Variants in BMP5 observed in about 807,000 individuals in gnomAD.
The protein encoded by BMP5 is bone morphogenetic protein 5.
BMP5 carries 23 observed loss-of-function variants against 46.6 expected under a neutral mutation model. The observed-to-expected ratio is 0.49, with a 90% CI of 0.35 to 0.70. The LOEUF (loss-of-function observed/expected upper bound fraction) is 0.70, where lower values mean the gene tolerates loss of function less well. BMP5 is among the 30% of genes least tolerant of loss of function. The pLI is 0.00. For synonymous variants in BMP5, 204 were observed against 191.9 expected, an observed-to-expected ratio of 1.06 and a Z score of -0.52; for missense variants, 545 against 565.6, an observed-to-expected ratio of 0.96 and a Z score of 0.37.
intron 1 of BMP5, among the ~76,000 whole-genome samples, chr6:55,836,401 A>G (rs1382985898): frequency 2.6e-5 from 4 of 152,154 alleles, no homozygotes; most frequent in African/African-American, 4.8e-5. Context: ...AAGTAAAAAC[A>G]AACCAACAGA....
chr6:55,807,370 G>A (rs925710691), intron 2 of BMP5, among the ~76,000 whole-genome samples: 1 of 152,184 alleles, frequency 6.6e-6, no homozygotes, highest in Non-Finnish European at 1.5e-5. Context: ...TACATTTATT[G>A]ATTTGCATAT....
chr6:55,871,540 G>T (rs533508755), intron 1 of BMP5, among the ~76,000 whole-genome samples: 2 of 151,742 alleles, frequency 1.3e-5, no homozygotes, highest in African/African-American at 4.8e-5. Flanking sequence ...TTTTTATTTT[G>T]CTTTTAGTAA....
chr6:55,788,943 C>T (rs2127526938), intron 3 of BMP5, among the ~76,000 whole-genome samples: 1 of 151,556 alleles, frequency 6.6e-6, no homozygotes, highest in Admixed American at 6.6e-5. Flanking sequence ...AGTTTAATAC[C>T]TCTGAAATCT....
intron 1 of BMP5, among the ~76,000 whole-genome samples, chr6:55,855,197 C>G (rs985846714): frequency 6.6e-6 from 1 of 151,906 alleles, no homozygotes; most frequent in African/African-American, 2.4e-5. Context: ...AATTTCAACA[C>G]TTCCTTTTTA....
At chr6:55,779,960 A>G (rs754137670) in intron 3 of BMP5, among the ~76,000 whole-genome samples, 26 of 151,992 alleles carry the variant, frequency 1.7e-4, no homozygotes, top group Non-Finnish European at 2.6e-4. Flanking sequence ...AGAGAACAGG[A>G]TAAGATTTTT....
At chr6:55,774,274 T>C (rs751279868) in intron 3 of BMP5, 31 bp from the exon 4 acceptor site, 1 of 1,600,786 alleles carries the variant, frequency 6.2e-7, no homozygotes, top group South Asian at 1.1e-5. Context: ...ACTTGGTTTA[T>C]GAAAAAGAAA....
chr6:55,850,208 T>C (rs1777197004), intron 1 of BMP5, among the ~76,000 whole-genome samples: 1 of 152,124 alleles, frequency 6.6e-6, no homozygotes, highest in Non-Finnish European at 1.5e-5. Context: ...TCATAGTATT[T>C]ATATTGTAAT....
chr6:55,828,711 G>T (rs1776587298), intron 1 of BMP5, among the ~76,000 whole-genome samples: 2 of 151,628 alleles, frequency 1.3e-5, no homozygotes, highest in South Asian at 4.2e-4. Context: ...AAATAAAGAA[G>T]TTGACAAGTA....
At chr6:55,767,391 T>C (rs943182039) in intron 4 of BMP5, among the ~76,000 whole-genome samples, 1 of 152,034 alleles carries the variant, frequency 6.6e-6, no homozygotes, top group Non-Finnish European at 1.5e-5. Flanking sequence ...AAATTAGTTA[T>C]ATATAATAAC....
chr6:55,796,466 T>C (rs543656951), intron 2 of BMP5, among the ~76,000 whole-genome samples: 45 of 152,038 alleles, frequency 3.0e-4, no homozygotes, highest in Non-Finnish European at 5.4e-4. Context: ...TGTATATATA[T>C]ATATTTTTTT....
intron 2 of BMP5, 81 bp from the exon 3 acceptor site, chr6:55,794,508 A>G: frequency 7.1e-7 from 1 of 1,410,468 alleles, no homozygotes; most frequent in South Asian, 1.2e-5. Context: ...AAAACATTAC[A>G]AAAGCAGTTT....
intron 3 of BMP5, among the ~76,000 whole-genome samples, chr6:55,784,796 T>A (rs1775407396): frequency 6.6e-6 from 1 of 151,894 alleles, no homozygotes; most frequent in Non-Finnish European, 1.5e-5. Flanking sequence ...TATAATCATT[T>A]TTAATGGCAT....
intron 6 of BMP5, among the ~76,000 whole-genome samples, chr6:55,755,954 G>C (rs1774583491): frequency 6.6e-6 from 1 of 151,872 alleles, no homozygotes; most frequent in African/African-American, 2.4e-5. Flanking sequence ...ATATTCAGTG[G>C]AAGTTTTCCT....
rs972858137 is a variant in BMP5 at position 55,852,985 on chromosome 6, C to T, written c.490+21391G>A. 5.3e-5 allele frequency among the ~76,000 whole-genome samples: 8 copies of T among 151,746 alleles called. No individual in the cohort carries two copies. The South Asian group carries it at 1.3e-3, about 24-fold the overall frequency. Reference sequence around the variant, plus strand: ...TCTCTACTAAAAATACAAAAATTAGCTGGGCATGGTGGTGCCCGCCTGTAG... The same window carrying T: ...TCTCTACTAAAAATACAAAAATTAGTTGGGCATGGTGGTGCCCGCCTGTAG... On this transcript the variant is annotated intron_variant, in intron 1 of 6. Coordinates refer to ENST00000370830, the MANE Select transcript of BMP5 (RefSeq NM_021073.4).
At chr6:55,792,971 A>C (rs1223218013) in intron 3 of BMP5, among the ~76,000 whole-genome samples, 16 of 152,182 alleles carry the variant, frequency 1.1e-4, no homozygotes, top group Admixed American at 1.0e-3. Flanking sequence ...TAACATTTTT[A>C]GGGTAGAGAA....
At chr6:55,862,949 T>C (rs1044048460) in intron 1 of BMP5, among the ~76,000 whole-genome samples, 4 of 152,150 alleles carry the variant, frequency 2.6e-5, no homozygotes, top group Non-Finnish European at 5.9e-5. Flanking sequence ...GTGCTAGATT[T>C]TGGGTGTGAT....
chr6:55,864,136 CT>C (rs1379360586), intron 1 of BMP5, among the ~76,000 whole-genome samples: 1 of 152,004 alleles, frequency 6.6e-6, no homozygotes, highest in Non-Finnish European at 1.5e-5. Context: ...AGAGAAAAAC[CT>C]TAAATGGTGG....
chr6:55,825,281 A>G (rs1420375530), intron 1 of BMP5, among the ~76,000 whole-genome samples: 1 of 151,862 alleles, frequency 6.6e-6, no homozygotes, highest in Non-Finnish European at 1.5e-5. Flanking sequence ...ACTCCAAACT[A>G]TGTGAAATTA....
Position 55,819,649 on chromosome 6 carries a change from T to C in BMP5, c.683+6A>G. 1 of 1,594,268 alleles carries C rather than the reference T, an allele frequency of 6.3e-7. No individual in the cohort carries two copies. The highest frequency in any genetic ancestry group is 8.6e-7 in the Non-Finnish European group (1 of 1,162,718). ...CAGGATAATAAGTTAAATAAAAAGA[T>C]TATACCTATTTGTGTATTCCTTGAT... On this transcript the variant is annotated splice_donor_region_variant and intron_variant, in intron 2 of 6. Transcript: ENST00000370830.
Sources: gnomAD v4.1 joint callset for allele counts (sites outside exome capture counted in the v4.1 genomes callset) on GRCh38, gnomAD v4.1.1 for gene constraint, MANE v1.5 for transcripts, NCBI Gene and HGNC (gene_info 2026-07-23, HGNC 2026-07-21) for gene names.